The following TUSC7 variants were observed in gnomAD, a reference collection of about 807,000 sequenced individuals.
TUSC7 encodes the protein LSAMP antisense RNA 3.
chr3:116,713,844 TAA>T (rs1342432830), intron 1 of TUSC7, among the ~76,000 whole-genome samples: 2 of 152,068 alleles, frequency 1.3e-5, no homozygotes, highest in East Asian at 3.9e-4. Context: ...TGCATACCCG[TAA>T]TCTCAGCTAC....
At position 116,713,559 on chromosome 3, in the gene TUSC7, G is replaced by C. The variant is rs1338810767; in HGVS notation, n.98+3683G>C. Reference sequence around the variant, plus strand: ...TCTACATGGATAATAAACCAGGTACGAACACTGTTGTTTCTAACTAGAGTT... The same window carrying C: ...TCTACATGGATAATAAACCAGGTACCAACACTGTTGTTTCTAACTAGAGTT... On this transcript the variant is annotated intron_variant and non_coding_transcript_variant, in intron 1 of 2. Coordinates refer to ENST00000477805, the Ensembl canonical transcript of TUSC7. Among the ~76,000 whole-genome samples, 4 of 152,180 alleles carry C rather than the reference G, an allele frequency of 2.6e-5. No individual in the cohort carries two copies. In the South Asian group the frequency reaches 8.3e-4, roughly 32 times the overall value.
At chr3:116,715,908 G>C (rs1576302238) in intron 1 of TUSC7, among the ~76,000 whole-genome samples, 1 of 152,234 alleles carries the variant, frequency 6.6e-6, no homozygotes, top group Admixed American at 6.5e-5. Flanking sequence ...TTTGCATTGA[G>C]ATTTTATAAT....
At chr3:116,716,693 A>C (rs1421893161) in intron 1 of TUSC7, 1 of 152,224 alleles carries the variant, frequency 6.6e-6, no homozygotes, top group Admixed American at 6.6e-5. Flanking sequence ...ACACGTTTTC[A>C]CTATAAAGAT....
intron 1 of TUSC7, among the ~76,000 whole-genome samples, chr3:116,711,773 T>G (rs2051465370): frequency 6.6e-6 from 1 of 152,160 alleles, no homozygotes; most frequent in African/African-American, 2.4e-5. Context: ...TCATGAAATA[T>G]CTATATTCAG....
At chr3:116,712,781 A>G (rs1412525622) in intron 1 of TUSC7, 1 of 151,000 alleles carries the variant, frequency 6.6e-6, no homozygotes, top group Admixed American at 6.7e-5. Flanking sequence ...GATAAATAAC[A>G]AAATTAAGTC....
chr3:116,714,364 A>G (rs1411368358), intron 1 of TUSC7, among the ~76,000 whole-genome samples: 1 of 152,228 alleles, frequency 6.6e-6, no homozygotes, highest in Non-Finnish European at 1.5e-5. Flanking sequence ...TATCATTAAA[A>G]CAGTACCATC....
intron 1 of TUSC7, chr3:116,716,987 T>C (rs922239249): frequency 2.0e-5 from 3 of 152,288 alleles, no homozygotes; most frequent in African/African-American, 7.2e-5. Flanking sequence ...GGTTTAATTT[T>C]ACTTCCATGT....
At chr3:116,710,166 T>C (rs1171327111) in intron 1 of TUSC7, 1 of 152,186 alleles carries the variant, frequency 6.6e-6, no homozygotes. Flanking sequence ...GTATTGTATA[T>C]ATGCCCATAT....
chr3:116,710,104 T>A (rs755814311), intron 1 of TUSC7: 37 of 152,182 alleles, frequency 2.4e-4, no homozygotes, highest in South Asian at 6.2e-4. Context: ...GAATAAAAAT[T>A]AAAATTTCCC....
intron 1 of TUSC7, among the ~76,000 whole-genome samples, chr3:116,712,200 G>A (rs1278696390): frequency 6.6e-6 from 1 of 152,174 alleles, no homozygotes; most frequent in Non-Finnish European, 1.5e-5. Flanking sequence ...CTTATTAAAT[G>A]ATGCAATTTT....
intron 1 of TUSC7, among the ~76,000 whole-genome samples, chr3:116,715,395 T>C (rs1329263096): frequency 6.6e-6 from 1 of 152,172 alleles, no homozygotes; most frequent in East Asian, 1.9e-4. Flanking sequence ...TGTAAGAAAA[T>C]ACCAAACTGT....
chr3:116,715,037 C>G (rs2107472648), intron 1 of TUSC7, among the ~76,000 whole-genome samples: 1 of 152,224 alleles, frequency 6.6e-6, no homozygotes, highest in South Asian at 2.1e-4. Flanking sequence ...TTCACTGTTT[C>G]CATAGTTTTG....
At chr3:116,711,625 G>C (rs967319479) in intron 1 of TUSC7, among the ~76,000 whole-genome samples, 1 of 152,084 alleles carries the variant, frequency 6.6e-6, no homozygotes, top group Admixed American at 6.6e-5. Flanking sequence ...AGGGTGACAT[G>C]CATCTCATTA....
chr3:116,711,626 C>T (rs2051463896), intron 1 of TUSC7, among the ~76,000 whole-genome samples: 1 of 152,144 alleles, frequency 6.6e-6, no homozygotes, highest in African/African-American at 2.4e-5. Context: ...GGGTGACATG[C>T]ATCTCATTAA....
intron 1 of TUSC7, chr3:116,712,918 T>C (rs1256863930): frequency 6.6e-6 from 1 of 152,190 alleles, no homozygotes. Flanking sequence ...GAGCTGTCTT[T>C]TTCAGCTTAC....
At chr3:116,715,364 A>G (rs992061198) in intron 1 of TUSC7, among the ~76,000 whole-genome samples, 3 of 152,190 alleles carry the variant, frequency 2.0e-5, no homozygotes, top group African/African-American at 7.2e-5. Flanking sequence ...GATGGATAGT[A>G]TGTAAGATTA....
chr3:116,713,128 T>C (rs548275617), intron 1 of TUSC7, among the ~76,000 whole-genome samples: 3 of 152,300 alleles, frequency 2.0e-5, no homozygotes, highest in African/African-American at 7.2e-5. Flanking sequence ...ACTCACAATA[T>C]GGATAATGAA....
intron 1 of TUSC7, among the ~76,000 whole-genome samples, chr3:116,711,360 C>T (rs554835945): frequency 6.6e-6 from 1 of 152,292 alleles, no homozygotes; most frequent in African/African-American, 2.4e-5. Context: ...GATGTCAGCA[C>T]TTTATTGACC....
At chr3:116,711,875 G>T (rs1568249) in intron 1 of TUSC7, among the ~76,000 whole-genome samples, 42,054 of 151,926 alleles carry the variant, frequency 0.28, 6,272 homozygotes, top group South Asian at 0.51. Flanking sequence ...CTGTCACTCA[G>T]CCTGCAAGTA....
Sources: gnomAD v4.1 joint callset for allele counts (sites outside exome capture counted in the v4.1 genomes callset) on GRCh38, gnomAD v4.1.1 for gene constraint, MANE v1.5 for transcripts, NCBI Gene and HGNC (gene_info 2026-07-23, HGNC 2026-07-21) for gene names.